RNF220: variants seen among roughly 807,000 people sequenced by gnomAD.
RNF220 encodes ring finger protein 220.
In RNF220, 7 loss-of-function variants were observed where a neutral mutation model predicts 67.1. The ratio of observed to expected loss-of-function variants is 0.10; its 90% confidence interval spans 0.06 to 0.20. The LOEUF is 0.20. RNF220 is among the 10% of genes least tolerant of loss of function. RNF220 has a pLI of 1.00. For synonymous variants in RNF220, 270 were observed against 283.2 expected (o/e 0.95, Z 0.47); for missense variants, 565 against 740.3 (o/e 0.76, Z 2.75).
chr1:44,543,289 AC>A (rs1344059326), intron 2 of RNF220, among the ~76,000 whole-genome samples: 1 of 151,082 alleles, frequency 6.6e-6, no homozygotes, highest in African/African-American at 2.4e-5. Context: ...GCCCAGTGAC[AC>A]CTGCAGGTTG....
chr1:44,553,924 G>T (rs1009220425), intron 2 of RNF220, among the ~76,000 whole-genome samples: 1 of 152,182 alleles, frequency 6.6e-6, no homozygotes. Flanking sequence ...CACGGCTGCA[G>T]GAGGAGCTGT....
intron 2 of RNF220, among the ~76,000 whole-genome samples, chr1:44,593,850 A>G (rs1239464122): frequency 6.6e-6 from 1 of 152,226 alleles, no homozygotes; most frequent in African/African-American, 2.4e-5. Context: ...TGGGAGGCCA[A>G]GGCGTGGGTG....
chr1:44,631,967 T>C (rs115428399), intron 5 of RNF220: 313,080 of 994,996 alleles, frequency 0.31, 50,201 homozygotes, highest in Middle Eastern at 0.39. Flanking sequence ...ATCACGTGAT[T>C]AGGGCCAACA....
intron 2 of RNF220, among the ~76,000 whole-genome samples, chr1:44,513,103 G>T (rs926889608): frequency 6.6e-6 from 1 of 152,242 alleles, no homozygotes; most frequent in Non-Finnish European, 1.5e-5. Flanking sequence ...AGTCCAGAAA[G>T]GTTCCCCCAC....
chr1:44,471,412 G>A (rs1252507105), intron 2 of RNF220, among the ~76,000 whole-genome samples: 1 of 151,028 alleles, frequency 6.6e-6, no homozygotes, highest in Non-Finnish European at 1.5e-5. Context: ...GGGTGACAGA[G>A]CGAGACTCCA....
At chr1:44,479,870 A>T (rs1655638957) in intron 2 of RNF220, among the ~76,000 whole-genome samples, 1 of 152,234 alleles carries the variant, frequency 6.6e-6, no homozygotes, top group Non-Finnish European at 1.5e-5. Flanking sequence ...AAAAGCAGCC[A>T]GCTCATGCTT....
chr1:44,457,592 G>A (rs549463813), intron 2 of RNF220, among the ~76,000 whole-genome samples: 4 of 152,102 alleles, frequency 2.6e-5, no homozygotes, highest in East Asian at 3.9e-4. Context: ...GAGAGTAGGG[G>A]TAGATGGTGG....
In RNF220 at chr1:44,636,022, C is replaced by G; in HGVS notation, c.994-8C>G. 2 of 1,614,206 alleles carry G rather than the reference C, an allele frequency of 1.2e-6. 1 individual carries two copies. Among genetic ancestry groups the G allele is most frequent in the Non-Finnish European group, 1.7e-6 (2 of 1,180,008 alleles). ...GGGCCCAGCATGATCCTGCTCTGCT[C>G]TTCACAGAGGGAAGGCTCCTGCATG... On this transcript the variant is annotated splice_polypyrimidine_tract_variant and splice_region_variant and intron_variant, in intron 7 of 14. Coordinates refer to ENST00000361799, the MANE Select transcript of RNF220 (RefSeq NM_018150.4).
chr1:44,474,865 G>T (rs1467614156), intron 2 of RNF220, among the ~76,000 whole-genome samples: 1 of 152,116 alleles, frequency 6.6e-6, no homozygotes, highest in Non-Finnish European at 1.5e-5. Flanking sequence ...AAAATACTAT[G>T]CCACCTTATA....
Position 44,412,609 on chromosome 1 carries a change from C to G in RNF220, c.512C>G (p.Ser171Cys), listed in dbSNP as rs1490573687. The G allele has an allele frequency of 6.2e-7, 1 of 1,614,084 alleles. No homozygotes were observed. Among genetic ancestry groups the G allele is most frequent in the Non-Finnish European group, 8.5e-7 (1 of 1,180,052 alleles). Residue 171 changes from serine to cysteine, a missense_variant, in exon 2 of 15, where the codon TCT (serine) becomes TGT (cysteine). Transcript: ENST00000361799. The surrounding 1 kb of genome is among the most constrained non-coding windows in gnomAD (Gnocchi z 5.3). The stretch of plus-strand genomic sequence containing the variant: ...TATGACTTTGGGACACAGCTGCCAT[C>G]TAGCTCCCCCGGTTCACTAAAGGTT... ...KEYDFGTQLP[S>C]SSPGSLKVDD... is the part of the protein sequence containing the mutation.
At chr1:44,536,272 G>A (rs1416827200) in intron 2 of RNF220, among the ~76,000 whole-genome samples, 2 of 152,162 alleles carry the variant, frequency 1.3e-5, no homozygotes, top group Admixed American at 6.5e-5. Context: ...CAAGAACGAC[G>A]CATCTCCAGA....
At chr1:44,595,896 T>TG (rs1327863311) in intron 2 of RNF220, among the ~76,000 whole-genome samples, 1 of 152,090 alleles carries the variant, frequency 6.6e-6, no homozygotes, top group Non-Finnish European at 1.5e-5. Context: ...CCCGAGTAGC[T>TG]GGGACTACAG....
intron 2 of RNF220, among the ~76,000 whole-genome samples, chr1:44,530,561 T>G (rs1408027799): frequency 6.7e-6 from 1 of 148,314 alleles, no homozygotes; most frequent in Non-Finnish European, 1.5e-5. Flanking sequence ...TAAAAAGAAT[T>G]ACAACTCTCT....
chr1:44,431,302 C>A (rs969152918), intron 2 of RNF220, among the ~76,000 whole-genome samples: 7 of 151,914 alleles, frequency 4.6e-5, no homozygotes, highest in African/African-American at 1.7e-4. Context: ...CCAGCCTAAC[C>A]AAGATGGTGA....
At chr1:44,478,358 A>T (rs1442638832) in intron 2 of RNF220, among the ~76,000 whole-genome samples, 2 of 152,110 alleles carry the variant, frequency 1.3e-5, no homozygotes, top group African/African-American at 4.8e-5. Flanking sequence ...CTAAGAACTT[A>T]AAAAAATCCC....
At chr1:44,461,194 G>A (rs75959002) in intron 2 of RNF220, among the ~76,000 whole-genome samples, 1,698 of 152,234 alleles carry the variant, frequency 0.011, 18 homozygotes, top group Non-Finnish European at 0.018. Context: ...AGGTAATGCT[G>A]TCTATTGATG....
intron 2 of RNF220, among the ~76,000 whole-genome samples, chr1:44,421,652 G>A (rs1203407419): frequency 4.0e-5 from 6 of 151,796 alleles, no homozygotes; most frequent in East Asian, 1.9e-4. Flanking sequence ...GTTGGGCGGG[G>A]CATAGTGTCT....
chr1:44,552,498 AAAAC>A (rs1046432964), intron 2 of RNF220, among the ~76,000 whole-genome samples: 4 of 151,768 alleles, frequency 2.6e-5, no homozygotes, highest in East Asian at 3.9e-4. Flanking sequence ...CTTGTCTCAA[AAAAC>A]AAACAGACAA....
At chr1:44,418,779 C>A (rs921084688) in intron 2 of RNF220, among the ~76,000 whole-genome samples, 15 of 152,188 alleles carry the variant, frequency 9.9e-5, no homozygotes, top group East Asian at 1.9e-4. Flanking sequence ...ATTTTTAACC[C>A]TTATTAACTA....
Sources: gnomAD v4.1 joint callset for allele counts (sites outside exome capture counted in the v4.1 genomes callset) on GRCh38, gnomAD v4.1.1 for gene constraint, Gnocchi (gnomAD v3.1) non-coding constraint, MANE v1.5 for transcripts, NCBI Gene and HGNC (gene_info 2026-07-23, HGNC 2026-07-21) for gene names.